Variants in ZMAT5 observed in about 807,000 individuals in gnomAD.
The protein encoded by ZMAT5 is zinc finger matrin-type protein 5.
In ZMAT5, 23 loss-of-function variants were observed where a neutral mutation model predicts 28.0. The observed-to-expected ratio is 0.82, with a 90% CI of 0.59 to 1.16. ZMAT5 has a LOEUF of 1.16. Among genes scored for constraint, ZMAT5 ranks in the 50% most tolerant of loss-of-function variants. ZMAT5 has a pLI of 0.00. For missense variants in ZMAT5, 173 were observed against 212.7 expected (o/e 0.81, Z 1.16); for synonymous variants, 76 against 84.1 (o/e 0.90, Z 0.52).
In ZMAT5 at chr22:29,744,315, G is replaced by A. The variant is rs556263364; in HGVS notation, c.128-1835C>T. ...GCAAACATCCCCACTTTGCAGAGGG[G>A]AAAACAGAGGTTCAGACAAGGGAAG... is the stretch of plus-strand genomic sequence containing the variant. On this transcript the variant is annotated intron_variant, in intron 2 of 5. Coordinates refer to ENST00000344318, the MANE Select transcript of ZMAT5 (RefSeq NM_001003692.2). Among the ~76,000 whole-genome samples the A allele has an allele frequency of 5.7e-5, 7 of 122,252 alleles. No individual in the cohort carries two copies. The South Asian group carries it at 1.9e-3, about 33-fold the overall frequency. The allele number at this position is 122,252 out of a possible 152,430, so 80.2% of individuals were successfully genotyped here. A position where few individuals can be genotyped will look rare whatever the true frequency, so the allele number is the denominator to read the frequency against.
chr22:29,760,071 C>T (rs150281291), intron 1 of ZMAT5, among the ~76,000 whole-genome samples: 3,729 of 151,928 alleles, frequency 0.025, 66 homozygotes, highest in Non-Finnish European at 0.03. Context: ...AATGGCGGCA[C>T]GAGCCTGTAG....
chr22:29,734,975 C>T (rs911067477), intron 5 of ZMAT5, among the ~76,000 whole-genome samples: 9 of 152,242 alleles, frequency 5.9e-5, no homozygotes, highest in Middle Eastern at 3.4e-3. Flanking sequence ...AGGGAGGGGC[C>T]GCTGGGGTGC....
At chr22:29,735,887 G>A (rs1275535759) in intron 5 of ZMAT5, among the ~76,000 whole-genome samples, 1 of 152,146 alleles carries the variant, frequency 6.6e-6, no homozygotes, top group African/African-American at 2.4e-5. Context: ...CATCTGTCTG[G>A]AACCCAGGCA....
intron 2 of ZMAT5, 114 bp from the exon 3 acceptor site, chr22:29,742,594 G>A: frequency 1.0e-6 from 1 of 998,308 alleles, no homozygotes; most frequent in Non-Finnish European, 1.5e-6. Flanking sequence ...TGTGCAGAAA[G>A]AAGAGTTTCC....
chr22:29,731,085 G>C lies in ZMAT5; in HGVS notation c.*140C>G. On this transcript the variant is annotated 3_prime_UTR_variant, in exon 6 of 6. Coordinates refer to ENST00000344318, the MANE Select transcript of ZMAT5 (RefSeq NM_001003692.2). ...AGACCCAGGACGAGGGCTGCACTTG[G>C]TGTGGCCGTGTCCTGAGCCTCAGTG... 1 of 895,058 alleles carries C rather than the reference G, an allele frequency of 1.1e-6. No individual in the cohort carries two copies. Among genetic ancestry groups the C allele is most frequent in the Non-Finnish European group, 1.6e-6 (1 of 632,610 alleles). 55.4% of individuals were successfully genotyped at this position (895,058 alleles called of 1,614,324 possible).
chr22:29,755,200 CAGG>C (rs2068087924), intron 1 of ZMAT5, among the ~76,000 whole-genome samples: 1 of 151,894 alleles, frequency 6.6e-6, no homozygotes, highest in Non-Finnish European at 1.5e-5. Context: ...GAGGCTGAGG[CAGG>C]AGAATTGCTC....
chr22:29,765,030 A>G (rs1296438759), intron 1 of ZMAT5, among the ~76,000 whole-genome samples: 1 of 152,182 alleles, frequency 6.6e-6, no homozygotes, highest in Non-Finnish European at 1.5e-5. Context: ...ATTTGCCTCT[A>G]GACACCTCCA....
chr22:29,755,327 G>C, intron 1 of ZMAT5, among the ~76,000 whole-genome samples: 1 of 36,536 alleles, frequency 2.7e-5, no homozygotes, highest in Non-Finnish European at 6.3e-5. Flanking sequence ...AAAAAGAAAG[G>C]AGAGAGAGAG....
intron 2 of ZMAT5, among the ~76,000 whole-genome samples, chr22:29,744,311 A>G (rs2067989277): frequency 2.3e-5 from 3 of 131,030 alleles, no homozygotes; most frequent in Non-Finnish European, 4.6e-5. Flanking sequence ...CACTTTGCAG[A>G]GGGGAAAACA....
chr22:29,756,745 C>CA lies in ZMAT5; in HGVS notation c.-27-8175dup, dbSNP rs937969476. ...GCAACATAGTTAGACCCCATCTCCA[C>CA]AAAAAAATTTTTTTTAATTTGACCA... On this transcript the variant is annotated intron_variant, in intron 1 of 5. Coordinates refer to ENST00000344318, the MANE Select transcript of ZMAT5 (RefSeq NM_001003692.2). Among the ~76,000 whole-genome samples the CA allele has an allele frequency of 4.6e-5, 7 of 151,960 alleles. No homozygotes were observed. The East Asian group carries it at 1.2e-3, about 25-fold the overall frequency.
intron 1 of ZMAT5, among the ~76,000 whole-genome samples, chr22:29,760,931 T>TTAA (rs1182337681): frequency 2.0e-5 from 3 of 152,200 alleles, no homozygotes; most frequent in Non-Finnish European, 4.4e-5. Flanking sequence ...ATTCACTGTA[T>TTAA]TAATGTTCCT....
At chr22:29,737,835 G>A (rs899967392) in intron 5 of ZMAT5, among the ~76,000 whole-genome samples, 4 of 152,018 alleles carry the variant, frequency 2.6e-5, no homozygotes, top group Non-Finnish European at 5.9e-5. Flanking sequence ...TGAGCGTCCC[G>A]AGGGCTGGGG....
intron 1 of ZMAT5, among the ~76,000 whole-genome samples, chr22:29,759,342 A>C (rs1187965926): frequency 6.6e-6 from 1 of 152,138 alleles, no homozygotes; most frequent in Non-Finnish European, 1.5e-5. Context: ...GAAAGAACTC[A>C]GCTCCTCACC....
chr22:29,749,224 C>T (rs562375479), intron 1 of ZMAT5, among the ~76,000 whole-genome samples: 2 of 152,132 alleles, frequency 1.3e-5, no homozygotes, highest in East Asian at 1.9e-4. Flanking sequence ...ACTACAGGTG[C>T]GTGTCATCAT....
chr22:29,738,775 G>A (rs548494565), intron 4 of ZMAT5, among the ~76,000 whole-genome samples: 3 of 152,214 alleles, frequency 2.0e-5, no homozygotes, highest in Admixed American at 6.5e-5. Context: ...ATGCCAAGGC[G>A]GGCGGATCAC....
At chr22:29,759,984 T>G (rs2068140492) in intron 1 of ZMAT5, among the ~76,000 whole-genome samples, 1 of 152,118 alleles carries the variant, frequency 6.6e-6, no homozygotes, top group African/African-American at 2.4e-5. Flanking sequence ...GTGGATTGCC[T>G]GAGCTCAGGA....
At chr22:29,763,053 G>C (rs1019408900) in intron 1 of ZMAT5, among the ~76,000 whole-genome samples, 5 of 151,964 alleles carry the variant, frequency 3.3e-5, no homozygotes, top group Admixed American at 1.3e-4. Flanking sequence ...GGCTGGGTGG[G>C]AGGCCGAGAC....
At chr22:29,740,528 C>G (rs1005875233) in intron 4 of ZMAT5, 122 bp downstream of exon 4, 2 of 1,025,324 alleles carry the variant, frequency 2.0e-6, no homozygotes, top group Non-Finnish European at 1.5e-6. Flanking sequence ...CCGCATCACC[C>G]TGGGTGGCCC....
intron 1 of ZMAT5, among the ~76,000 whole-genome samples, chr22:29,759,167 C>T (rs2068131802): frequency 6.6e-6 from 1 of 152,132 alleles, no homozygotes; most frequent in South Asian, 2.1e-4. Context: ...AGTTACAGGT[C>T]CCAAGAGGCC....
Sources: gnomAD v4.1 joint callset for allele counts (sites outside exome capture counted in the v4.1 genomes callset) on GRCh38, gnomAD v4.1.1 for gene constraint, MANE v1.5 for transcripts, NCBI Gene and HGNC (gene_info 2026-07-23, HGNC 2026-07-21) for gene names.